TRIM25: variants seen among roughly 807,000 people sequenced by gnomAD.
TRIM25 encodes the protein E3 ubiquitin/ISG15 ligase TRIM25.
TRIM25 carries 45 observed loss-of-function variants against 65.2 expected under a neutral mutation model. The observed-to-expected ratio is 0.69, with a 90% CI of 0.54 to 0.89. The LOEUF (loss-of-function observed/expected upper bound fraction) is 0.89, where lower values mean the gene tolerates loss of function less well. TRIM25 is among the 40% of genes least tolerant of loss of function. The probability of loss-of-function intolerance (pLI) is 0.00; values close to 1 mark genes in which losing one functional copy is unlikely to be tolerated. For missense variants in TRIM25, 714 were observed against 803.7 expected, an observed-to-expected ratio of 0.89 and a Z score of 1.35; for synonymous variants, 321 against 340.4, an observed-to-expected ratio of 0.94 and a Z score of 0.63.
chr17:56,895,551 A>T lies in TRIM25; in HGVS notation c.1234T>A (p.Leu412Ile). The T allele has an allele frequency of 6.3e-7, 1 of 1,597,438 alleles. No individual in the cohort carries two copies. Among genetic ancestry groups the T allele is most frequent in the East Asian group, 2.2e-5 (1 of 44,740 alleles). The change falls in exon 7 of 9, where the codon TTA becomes ATA. Residue 412 changes from leucine (L) to isoleucine (I), a missense_variant. Leu to Ile is a conservative substitution (Grantham distance 5). This residue lies in a region of TRIM25 where 413 missense variants were observed against 498.2 expected (regional missense o/e 0.83). Coordinates refer to ENST00000316881, the MANE Select transcript of TRIM25 (RefSeq NM_005082.5). The stretch of plus-strand genomic sequence containing the variant: ...AAGCCAGCTTGTTTTAAATCCACTA[A>T]CTGTTCCGGGGCTCCAAACGTGGGA... Reference protein sequence around the residue: ...KLPTFGAPEQLVDLKQAGLEA... With the variant: ...KLPTFGAPEQIVDLKQAGLEA...
intron 1 of TRIM25, among the ~76,000 whole-genome samples, chr17:56,911,578 C>CAAA (rs34726749): frequency 2.2e-5 from 3 of 137,080 alleles, no homozygotes; most frequent in Admixed American, 7.2e-5. Flanking sequence ...GACTCCAACT[C>CAAA]AAAAAAAAAA....
chr17:56,894,294 A>G (rs1012811920), intron 8 of TRIM25, among the ~76,000 whole-genome samples: 2 of 152,098 alleles, frequency 1.3e-5, no homozygotes, highest in African/African-American at 4.8e-5. Context: ...TGTTGCCCAG[A>G]CTGGAGTGCA....
Position 56,895,323 on chromosome 17 carries a change from C to T in TRIM25, c.1363+20G>A, listed in dbSNP as rs1351415135. On this transcript the variant is annotated intron_variant, in intron 8 of 8. Transcript: ENST00000316881. ...GAGACAGAACCAGTGGAACCGCGCA[C>T]CAGCCCCGAAGCTACTCACACTCCA... The T allele has an allele frequency of 1.2e-6, 2 of 1,605,682 alleles. No homozygotes were observed. The highest frequency in any genetic ancestry group is 1.3e-5 in the African/African-American group (1 of 74,698).
chr17:56,891,847 G>A lies in TRIM25; in HGVS notation c.1746C>T (p.Asn582=), dbSNP rs773493267. Residue 582 remains asparagine (N), a synonymous_variant, in exon 9 of 9, where the codon AAC becomes AAT. Coordinates refer to ENST00000316881, the MANE Select transcript of TRIM25 (RefSeq NM_005082.5). ...AGAAGATGACAAAGCCGTGGTCACA[G>A]TTGAGAAGCACGCCCACCCGCGTGG... ...TKATRVGVLL[N]CDHGFVIFFA... is the part of the protein sequence containing the mutation. 1 of 1,614,258 alleles carries A rather than the reference G, an allele frequency of 6.2e-7. No homozygotes were observed. Among genetic ancestry groups the A allele is most frequent in the Middle Eastern group, 1.6e-4 (1 of 6,062 alleles).
At chr17:56,905,244 G>A (rs1326332282) in intron 2 of TRIM25, among the ~76,000 whole-genome samples, 2 of 152,136 alleles carry the variant, frequency 1.3e-5, no homozygotes, top group Non-Finnish European at 2.9e-5. Context: ...CGCACCTGTA[G>A]TCCCAGCTAC....
Position 56,904,486 on chromosome 17 carries a change from C to T in TRIM25, c.696G>A (p.Met232Ile). The T allele has an allele frequency of 1.9e-6, 3 of 1,613,974 alleles. No homozygotes were observed. Among genetic ancestry groups the T allele is most frequent in the Non-Finnish European group, 1.7e-6 (2 of 1,179,982 alleles). Residue 232 changes from methionine (M) to isoleucine (I), a missense_variant and splice_region_variant, in exon 3 of 9, where the codon ATG becomes ATA. Around this residue, in one of 3 missense-constraint regions of TRIM25, gnomAD observed 413 missense variants for 498.2 expected, o/e 0.83. Transcript: ENST00000316881. ...DVRNRQQDVRMTANRKVEQLQ... is the reference protein window; with the variant it reads ...DVRNRQQDVRITANRKVEQLQ... ...GCTGCTCCACCTTTCTGTTTGCAGT[C>T]ATCTGAGAGGGCCAAGGTAAGAGGA...
At chr17:56,904,672 G>A (rs565443978) in intron 2 of TRIM25, among the ~76,000 whole-genome samples, 184 bp from the exon 3 acceptor site, 43 of 152,208 alleles carry the variant, frequency 2.8e-4, no homozygotes, top group African/African-American at 8.4e-4. Flanking sequence ...GCTATGACTC[G>A]GCAACTCCAG....
In TRIM25 at chr17:56,891,565, T is replaced by TCCCCCCCCCCCCCCCC; in HGVS notation, c.*134_*135insGGGGGGGGGGGGGGGG. 4.5e-6 allele frequency: 1 copy of TCCCCCCCCCCCCCCCC among 222,230 alleles called. No homozygotes were observed. The highest frequency in any genetic ancestry group is 8.8e-6 in the Non-Finnish European group (1 of 114,038). The allele number at this position is 222,230 out of a possible 1,614,324, so 13.8% of individuals were successfully genotyped here. The stretch of plus-strand genomic sequence containing the variant: ...CCTGGCTAAATCCCACCTCCCACCC[T>TCCCCCCCCCCCCCCCC]CCCGCCAGCTCCCCTCCCATGCTCC... On this transcript the variant is annotated 3_prime_UTR_variant, in exon 9 of 9. Transcript: ENST00000316881.
rs1239314746 is a variant in TRIM25, at chr17:56,890,667, A to T, written c.*1033T>A. 8.8e-6 allele frequency: 4 copies of T among 456,564 alleles called. No homozygotes were observed. The Admixed American group carries it at 9.4e-5, about 11-fold the overall frequency. 28.3% of individuals were successfully genotyped at this position (456,564 alleles called of 1,614,324 possible). On this transcript the variant is annotated 3_prime_UTR_variant, in exon 9 of 9. Coordinates refer to ENST00000316881, the MANE Select transcript of TRIM25 (RefSeq NM_005082.5). ...GGGATCCAGCTTAGCTGGAGGCTTG[A>T]CTGTGCTAGCCTCGGTGGTACCTGC...
At position 56,901,277 on chromosome 17, in the gene TRIM25, C is replaced by T. The variant is rs1308100548; in HGVS notation, c.1087+142G>A. On this transcript the variant is annotated intron_variant, in intron 4 of 8. Coordinates refer to ENST00000316881, the MANE Select transcript of TRIM25 (RefSeq NM_005082.5). ...AGCAGACTCCCCACCAGCCTCCAGA[C>T]AGAGGGCGGATGTTTCAGGAGCCCT... 3.2e-6 allele frequency: 3 copies of T among 943,422 alleles called. No homozygotes were observed. The South Asian group carries it at 5.3e-5, about 17-fold the overall frequency. The allele number at this position is 943,422 out of a possible 1,614,324, so 58.4% of individuals were successfully genotyped here.
Position 56,901,493 on chromosome 17 carries a change from T to A in TRIM25, c.1013A>T (p.His338Leu). 5.0e-6 allele frequency: 8 copies of A among 1,614,136 alleles called. No homozygotes were observed. The highest frequency in any genetic ancestry group is 5.9e-6 in the Non-Finnish European group (7 of 1,180,028). The change falls in exon 4 of 9, where the codon CAC becomes CTC. Residue 338 changes from histidine to leucine, a missense_variant. His to Leu is a moderately conservative substitution (Grantham distance 99). Coordinates refer to ENST00000316881, the MANE Select transcript of TRIM25 (RefSeq NM_005082.5). ...GTTTTTGAGGTCTATGGTGCTCTGG[T>A]GGATGCCTTTTATCAGCTTGTGGTT... is the stretch of plus-strand genomic sequence containing the variant. ...ELNHKLIKGI[H>L]QSTIDLKNEL...
Position 56,895,915 on chromosome 17 carries a change from G to A in TRIM25, c.1180+11C>T. On this transcript the variant is annotated intron_variant, in intron 6 of 8. Coordinates refer to ENST00000316881, the MANE Select transcript of TRIM25 (RefSeq NM_005082.5). Reference sequence around the variant, plus strand: ...TCAAGAAACGAACAGTTGCAGAAATGCATAACTTACGAGGTTTCTTGGATT... The same window carrying A: ...TCAAGAAACGAACAGTTGCAGAAATACATAACTTACGAGGTTTCTTGGATT... 6.2e-7 allele frequency: 1 copy of A among 1,610,584 alleles called. No homozygotes were observed. Among genetic ancestry groups the A allele is most frequent in the Non-Finnish European group, 8.5e-7 (1 of 1,179,136 alleles).
chr17:56,908,194 T>C (rs1567842300), intron 2 of TRIM25, among the ~76,000 whole-genome samples: 1 of 152,248 alleles, frequency 6.6e-6, no homozygotes, highest in Admixed American at 6.5e-5. Flanking sequence ...TCTCCCACTT[T>C]ATATCATAAC....
At chr17:56,904,216 A>G in intron 3 of TRIM25, 39 bp downstream of exon 3, 1 of 1,568,400 alleles carries the variant, frequency 6.4e-7, no homozygotes, top group Non-Finnish European at 8.7e-7. Flanking sequence ...CAGGCAAAAA[A>G]AAAAAAAAAA....
At chr17:56,901,646 A>T in intron 3 of TRIM25, 68 bp from the exon 4 acceptor site, 9 of 1,591,568 alleles carry the variant, frequency 5.7e-6, no homozygotes, top group Non-Finnish European at 7.7e-6. Context: ...AGTCCTCACC[A>T]ACCCCAGGAG....
At chr17:56,908,202 A>G (rs1375977195) in intron 2 of TRIM25, among the ~76,000 whole-genome samples, 1 of 152,202 alleles carries the variant, frequency 6.6e-6, no homozygotes, top group Non-Finnish European at 1.5e-5. Context: ...TTTATATCAT[A>G]ACCATTTTTC....
intron 1 of TRIM25, among the ~76,000 whole-genome samples, chr17:56,909,152 CG>C (rs1297762896): frequency 6.6e-6 from 1 of 151,686 alleles, no homozygotes; most frequent in Non-Finnish European, 1.5e-5. Flanking sequence ...AATGGGGCAG[CG>C]GGGAGATCTG....
chr17:56,895,735 C>A, intron 6 of TRIM25, 131 bp from the exon 7 acceptor site: 1 of 1,204,016 alleles, frequency 8.3e-7, no homozygotes, highest in South Asian at 1.5e-5. Context: ...ACAGACAAGG[C>A]TAAAGTCACC....
In TRIM25 at chr17:56,895,294, A is replaced by C. The variant is rs755030210; in HGVS notation, c.1363+49T>G. The C allele has an allele frequency of 2.7e-6, 4 of 1,477,008 alleles. No homozygotes were observed. The South Asian group carries it at 4.6e-5, about 17-fold the overall frequency. The allele number at this position is 1,477,008 out of a possible 1,614,324, so 91.5% of individuals were successfully genotyped here. A position where few individuals can be genotyped will look rare whatever the true frequency, so the allele number is the denominator to read the frequency against. The stretch of plus-strand genomic sequence containing the variant: ...CACAGAGAGCTGCACAGAGCGGCGC[A>C]GGAGAGACAGAACCAGTGGAACCGC... On this transcript the variant is annotated intron_variant, in intron 8 of 8. Transcript: ENST00000316881.
Sources: allele counts gnomAD v4.1 joint callset (sites outside exome capture counted in the v4.1 genomes callset), GRCh38; gene constraint gnomAD v4.1.1; regional missense constraint gnomAD v4.1.1; transcripts MANE v1.5; gene names NCBI Gene and HGNC (gene_info 2026-07-23, HGNC 2026-07-21).